ZFHX3: variants seen among roughly 807,000 people sequenced by gnomAD.
ZFHX3 encodes zinc finger homeobox protein 3.
In ZFHX3, 42 loss-of-function variants were observed where a neutral mutation model predicts 279.1. The observed-to-expected ratio is 0.15, with a 90% CI of 0.12 to 0.19. The LOEUF is 0.19. Ranked by LOEUF, ZFHX3 falls within the 10% of genes least tolerant of loss-of-function variation. The probability of loss-of-function intolerance (pLI) is 1.00; values close to 1 mark genes in which losing one functional copy is unlikely to be tolerated. For synonymous variants in ZFHX3, 2,293 were observed against 1,957.8 expected (o/e 1.17, Z -4.52); for missense variants, 4,981 against 4,754.0 (o/e 1.05, Z -1.40).
At chr16:72,962,392 G>C (rs1431835485) in intron 1 of ZFHX3, among the ~76,000 whole-genome samples, 1 of 152,210 alleles carries the variant, frequency 6.6e-6, no homozygotes, top group Non-Finnish European at 1.5e-5. Flanking sequence ...CTCCAAAGCG[G>C]AAGATGTCAG....
At chr16:73,834,663 C>T (rs574252677) in intron 1 of ZFHX3, among the ~76,000 whole-genome samples, 274 of 152,282 alleles carry the variant, frequency 1.8e-3, no homozygotes, top group African/African-American at 6.2e-3. Flanking sequence ...GAGGCCCAGG[C>T]GGGCAGATCA....
chr16:73,127,554 G>T, intron 7 of ZFHX3: 1 of 1,305,464 alleles, frequency 7.7e-7, no homozygotes, highest in Non-Finnish European at 1.0e-6. Context: ...TTTGGGCTCA[G>T]CCGAGCTGAC....
intron 7 of ZFHX3, among the ~76,000 whole-genome samples, chr16:73,108,507 G>A (rs538875006): frequency 6.6e-6 from 1 of 152,184 alleles, no homozygotes; most frequent in Non-Finnish European, 1.5e-5. Context: ...AGGCTCAAGT[G>A]ATCCTCCCAC....
At chr16:73,685,271 C>G (rs967541899) in intron 1 of ZFHX3, among the ~76,000 whole-genome samples, 1 of 152,204 alleles carries the variant, frequency 6.6e-6, no homozygotes, top group Non-Finnish European at 1.5e-5. Flanking sequence ...CCCCCTCAGC[C>G]TCCCAACGTG....
At chr16:73,375,751 C>A (rs1416596182) in intron 3 of ZFHX3, among the ~76,000 whole-genome samples, 4 of 152,184 alleles carry the variant, frequency 2.6e-5, no homozygotes, top group Admixed American at 1.3e-4. Context: ...CCACACTAGA[C>A]ACCCAATAGT....
At chr16:73,805,957 G>T (rs1199802202) in intron 1 of ZFHX3, among the ~76,000 whole-genome samples, 1 of 152,190 alleles carries the variant, frequency 6.6e-6, no homozygotes, top group Non-Finnish European at 1.5e-5. Flanking sequence ...AACTGCGACT[G>T]GGTAATTTGT....
At chr16:73,496,273 G>A (rs1422870620) in intron 2 of ZFHX3, among the ~76,000 whole-genome samples, 2 of 152,228 alleles carry the variant, frequency 1.3e-5, no homozygotes, top group African/African-American at 4.8e-5. Context: ...GCTCACGCCT[G>A]TAATCCCAGT....
intron 2 of ZFHX3, among the ~76,000 whole-genome samples, chr16:73,664,039 A>C (rs1366426815): frequency 6.6e-6 from 1 of 152,220 alleles, no homozygotes; most frequent in Non-Finnish European, 1.5e-5. Flanking sequence ...AATTGTTTTC[A>C]AAGAGAACTG....
At chr16:73,188,980 C>T (rs1178010413) in intron 5 of ZFHX3, among the ~76,000 whole-genome samples, 1 of 151,884 alleles carries the variant, frequency 6.6e-6, no homozygotes, top group Non-Finnish European at 1.5e-5. Context: ...TCTCCTGCCT[C>T]AGCCTCCCAA....
chr16:72,875,707 C>T (rs763793547), intron 4 of ZFHX3, among the ~76,000 whole-genome samples: 45 of 152,182 alleles, frequency 3.0e-4, no homozygotes, highest in Non-Finnish European at 4.1e-4. Flanking sequence ...TCAGGTGTAA[C>T]GAGATGACAA....
At chr16:73,095,782 C>G (rs111597689) in intron 7 of ZFHX3, among the ~76,000 whole-genome samples, 4 of 152,092 alleles carry the variant, frequency 2.6e-5, no homozygotes, top group Non-Finnish European at 5.9e-5. Flanking sequence ...GGATTGATAC[C>G]GGGCAACTTA....
At chr16:73,602,644 A>C (rs1350590773) in intron 2 of ZFHX3, among the ~76,000 whole-genome samples, 2 of 152,078 alleles carry the variant, frequency 1.3e-5, no homozygotes, top group African/African-American at 2.4e-5. Context: ...TGGAAAAATA[A>C]CTTCAAAATA....
At chr16:73,389,074 G>T (rs1471158614) in intron 3 of ZFHX3, 1 of 152,194 alleles carries the variant, frequency 6.6e-6, no homozygotes, top group Non-Finnish European at 1.5e-5. Context: ...ACGCGCATAT[G>T]TATATTGTAT....
chr16:73,718,597 G>C (rs2053439986), intron 1 of ZFHX3, among the ~76,000 whole-genome samples: 1 of 147,362 alleles, frequency 6.8e-6, no homozygotes, highest in South Asian at 2.2e-4. Flanking sequence ...GTTTGTTTAT[G>C]TATTTATTTA....
At chr16:73,518,801 G>C (rs1567507879) in intron 2 of ZFHX3, among the ~76,000 whole-genome samples, 1 of 152,148 alleles carries the variant, frequency 6.6e-6, no homozygotes. Context: ...CAAAGTCTTC[G>C]AAAAGCATTG....
intron 3 of ZFHX3, among the ~76,000 whole-genome samples, chr16:72,938,831 C>T (rs1960262745): frequency 6.6e-6 from 1 of 152,048 alleles, no homozygotes; most frequent in African/African-American, 2.4e-5. Flanking sequence ...CAGCTGCAGC[C>T]ATCACTAATG....
At chr16:72,985,067 C>G (rs1057201939) in intron 1 of ZFHX3, among the ~76,000 whole-genome samples, 3 of 152,192 alleles carry the variant, frequency 2.0e-5, no homozygotes, top group African/African-American at 7.2e-5. Context: ...CAGGCAAGAT[C>G]TTGTCCCAAG....
intron 2 of ZFHX3, among the ~76,000 whole-genome samples, chr16:73,485,381 C>G (rs1241635786): frequency 6.7e-6 from 1 of 149,018 alleles, no homozygotes; most frequent in African/African-American, 2.5e-5. Flanking sequence ...TAGATACAGT[C>G]CAGGTTTCAA....
intron 5 of ZFHX3, among the ~76,000 whole-genome samples, chr16:73,211,722 G>A (rs971603320): frequency 6.6e-6 from 1 of 151,298 alleles, no homozygotes; most frequent in Non-Finnish European, 1.5e-5. Context: ...TGGTTATTAT[G>A]ATTTTGATTA....
Sources: allele counts gnomAD v4.1 joint callset (sites outside exome capture counted in the v4.1 genomes callset), GRCh38; gene constraint gnomAD v4.1.1; transcripts MANE v1.5; gene names NCBI Gene and HGNC (gene_info 2026-07-23, HGNC 2026-07-21).